NTM: variants seen among roughly 807,000 people sequenced by gnomAD.
The protein encoded by NTM is IgLON family member 2.
NTM carries 13 observed loss-of-function variants against 42.1 expected under a neutral mutation model. That is an observed-to-expected ratio of 0.31 (90% confidence interval 0.20 to 0.49). NTM has a LOEUF of 0.49. Ranked by LOEUF, NTM falls within the 20% of genes least tolerant of loss-of-function variation. NTM has a pLI of 0.99. For missense variants in NTM, 373 were observed against 452.8 expected (o/e 0.82, Z 1.60); for synonymous variants, 187 against 179.2 (o/e 1.04, Z -0.35).
intron 1 of NTM, among the ~76,000 whole-genome samples, chr11:131,903,150 C>T (rs1047540268): frequency 7.2e-5 from 11 of 151,904 alleles, no homozygotes; most frequent in African/African-American, 2.4e-4. Flanking sequence ...AAAATAGGGC[C>T]GCGGAAAGTT....
intron 3 of NTM, among the ~76,000 whole-genome samples, chr11:132,150,354 G>A (rs778701372): frequency 5.3e-5 from 8 of 152,160 alleles, no homozygotes; most frequent in Admixed American, 6.5e-5. Context: ...TAAGATCTAC[G>A]GGAACAAATA....
At chr11:132,077,755 A>G (rs2058551136) in intron 2 of NTM, among the ~76,000 whole-genome samples, 1 of 152,232 alleles carries the variant, frequency 6.6e-6, no homozygotes, top group Non-Finnish European at 1.5e-5. Context: ...AAATCAAACA[A>G]GCAACAAGAA....
At chr11:131,897,771 A>T (rs568337247) in intron 1 of NTM, among the ~76,000 whole-genome samples, 20 of 152,356 alleles carry the variant, frequency 1.3e-4, no homozygotes, top group East Asian at 1.2e-3. Context: ...TTGTTTGCTC[A>T]TACCTCTAAA....
At chr11:131,723,490 A>T (rs958136489) in intron 1 of NTM, among the ~76,000 whole-genome samples, 4 of 152,210 alleles carry the variant, frequency 2.6e-5, no homozygotes, top group African/African-American at 9.7e-5. Flanking sequence ...AAAGATGGTA[A>T]AAGGTCACTC....
intron 1 of NTM, among the ~76,000 whole-genome samples, chr11:131,477,788 C>G (rs1220752589): frequency 6.6e-6 from 1 of 151,652 alleles, no homozygotes; most frequent in African/African-American, 2.4e-5. Flanking sequence ...TCAGTCTACT[C>G]CCTGCTCTCC....
chr11:131,721,093 A>G (rs1389026796), intron 1 of NTM, among the ~76,000 whole-genome samples: 1 of 152,016 alleles, frequency 6.6e-6, no homozygotes, highest in African/African-American at 2.4e-5. Context: ...GAGCAATAGA[A>G]AAACATATTT....
At chr11:132,001,247 A>G (rs187777599) in intron 2 of NTM, among the ~76,000 whole-genome samples, 3 of 152,354 alleles carry the variant, frequency 2.0e-5, no homozygotes, top group Admixed American at 2.0e-4. Context: ...TACTGGGTGT[A>G]GAAGAAATAC....
chr11:131,630,808 C>G lies in NTM; in HGVS notation c.82+259920C>G, dbSNP rs745413182. 7.9e-5 allele frequency among the ~76,000 whole-genome samples: 12 copies of G among 152,242 alleles called. 1 individual carries two copies. The East Asian group carries it at 1.4e-3, about 17-fold the overall frequency. ...CCAGTCTTTTATTGAATAGTTTTCT[C>G]TCCTTATCTTTGGCATACTACATGA... On this transcript the variant is annotated intron_variant, in intron 1 of 8. Coordinates refer to ENST00000683400, the MANE Select transcript of NTM (RefSeq NM_001352005.2).
At chr11:132,220,624 C>A (rs1384184220) in intron 4 of NTM, among the ~76,000 whole-genome samples, 1 of 152,156 alleles carries the variant, frequency 6.6e-6, no homozygotes, top group East Asian at 1.9e-4. Context: ...GTGGTTTTAC[C>A]CAATTATTTT....
Position 131,885,453 on chromosome 11 carries a change from G to A in NTM, c.83-26111G>A, listed in dbSNP as rs544918664. On this transcript the variant is annotated intron_variant, in intron 1 of 8. Transcript: ENST00000683400. ...CCTTTTGCATTTCTGCTGACATGTC[G>A]TCTGTATCTGATGGAGCAACGTCTT... Among the ~76,000 whole-genome samples the A allele has an allele frequency of 7.2e-5, 11 of 152,260 alleles. No individual in the cohort carries two copies. The South Asian group carries it at 1.9e-3, about 26-fold the overall frequency.
At chr11:131,874,030 AAT>A (rs59083400) in intron 1 of NTM, among the ~76,000 whole-genome samples, 2,991 of 76,144 alleles carry the variant, frequency 0.039, 104 homozygotes, top group Middle Eastern at 0.088. Flanking sequence ...AATATAATAT[AAT>A]ATATATATAT....
chr11:131,501,575 G>A (rs368038782), intron 1 of NTM, among the ~76,000 whole-genome samples: 1 of 152,140 alleles, frequency 6.6e-6, no homozygotes, highest in Non-Finnish European at 1.5e-5. Flanking sequence ...TGATTTATAT[G>A]TTCAAAAGGT....
intron 1 of NTM, among the ~76,000 whole-genome samples, chr11:131,588,924 A>G (rs547784346): frequency 6.6e-6 from 1 of 152,264 alleles, no homozygotes; most frequent in Admixed American, 6.5e-5. Context: ...AAAGAAAGAG[A>G]AATGGCATTA....
At chr11:132,052,517 A>G (rs968322886) in intron 2 of NTM, among the ~76,000 whole-genome samples, 6 of 152,232 alleles carry the variant, frequency 3.9e-5, no homozygotes, top group Non-Finnish European at 7.3e-5. Flanking sequence ...AGTGAGATTC[A>G]GAGAGATGTA....
At chr11:131,644,148 T>C (rs368324665) in intron 1 of NTM, among the ~76,000 whole-genome samples, 4 of 152,230 alleles carry the variant, frequency 2.6e-5, no homozygotes, top group African/African-American at 9.6e-5. Context: ...CTTCCCTTCA[T>C]CTTCAGCTTC....
chr11:131,395,091 C>T (rs893839305), intron 1 of NTM, among the ~76,000 whole-genome samples: 5 of 152,120 alleles, frequency 3.3e-5, no homozygotes, highest in African/African-American at 1.2e-4. Context: ...GGGAGCCAGG[C>T]TGCCTTCACA....
At chr11:131,517,348 T>C (rs2049020704) in intron 1 of NTM, among the ~76,000 whole-genome samples, 1 of 152,136 alleles carries the variant, frequency 6.6e-6, no homozygotes, top group Admixed American at 6.5e-5. Flanking sequence ...ACTCAGAAAC[T>C]CCCTTTCCTT....
chr11:131,591,161 C>T (rs145907864), intron 1 of NTM, among the ~76,000 whole-genome samples: 38 of 152,310 alleles, frequency 2.5e-4, no homozygotes, highest in African/African-American at 8.9e-4. Context: ...TCAAATTCCT[C>T]ACCTCCTCCC....
intron 1 of NTM, among the ~76,000 whole-genome samples, chr11:131,797,257 G>A (rs1565564130): frequency 1.3e-5 from 2 of 152,086 alleles, no homozygotes; most frequent in African/African-American, 2.4e-5. Context: ...ACAGTGAAAG[G>A]CAGATTGACA....
Sources: allele counts gnomAD v4.1 joint callset (sites outside exome capture counted in the v4.1 genomes callset), GRCh38; gene constraint gnomAD v4.1.1; transcripts MANE v1.5; gene names NCBI Gene and HGNC (gene_info 2026-07-23, HGNC 2026-07-21).